Variants in MRPS6 observed in about 807,000 individuals in gnomAD.
MRPS6 encodes the protein small ribosomal subunit protein bS6m.
A neutral mutation model predicts 13.1 loss-of-function variants in MRPS6; 6 were observed. The observed-to-expected ratio is 0.46, with a 90% CI of 0.25 to 0.91. The LOEUF is 0.91. MRPS6 is among the 40% of genes least tolerant of loss of function. The pLI is 0.18. For synonymous variants in MRPS6, 61 were observed against 56.5 expected (o/e 1.08, Z -0.36); for missense variants, 164 against 155.6 (o/e 1.05, Z -0.29).
intron 1 of MRPS6, among the ~76,000 whole-genome samples, chr21:34,082,546 A>T (rs1014720905): frequency 4.6e-5 from 7 of 151,990 alleles, no homozygotes; most frequent in African/African-American, 1.5e-4. Context: ...TTTTTTGCTC[A>T]GAGTGTATCT....
intron 1 of MRPS6, among the ~76,000 whole-genome samples, chr21:34,115,376 G>T (rs1979861085): frequency 6.6e-6 from 1 of 152,116 alleles, no homozygotes; most frequent in African/African-American, 2.4e-5. Context: ...TGGCTTCATT[G>T]ACCACTGTGG....
chr21:34,114,485 G>A (rs772170869), intron 1 of MRPS6, among the ~76,000 whole-genome samples: 3 of 151,516 alleles, frequency 2.0e-5, no homozygotes, highest in Admixed American at 6.6e-5. Context: ...TGCACCTGGG[G>A]AGCTTTAAAA....
chr21:34,113,724 T>G (rs1240524223), intron 1 of MRPS6, among the ~76,000 whole-genome samples: 2 of 152,222 alleles, frequency 1.3e-5, no homozygotes, highest in Non-Finnish European at 2.9e-5. Context: ...TCCATGTTTG[T>G]CATTCTAGGA....
intron 2 of MRPS6, among the ~76,000 whole-genome samples, chr21:34,137,212 T>C (rs1980737775): frequency 6.6e-6 from 1 of 152,226 alleles, no homozygotes; most frequent in Non-Finnish European, 1.5e-5. Context: ...CTACTGAATG[T>C]CAATAGATTT....
intron 1 of MRPS6, chr21:34,099,703 G>A (rs778365937): frequency 3.8e-5 from 38 of 997,816 alleles, no homozygotes; most frequent in Non-Finnish European, 4.6e-5. Context: ...GATACATAAG[G>A]TACATCATCT....
intron 1 of MRPS6, among the ~76,000 whole-genome samples, chr21:34,116,010 A>G (rs1459233597): frequency 6.6e-6 from 1 of 151,550 alleles, no homozygotes; most frequent in Non-Finnish European, 1.5e-5. Flanking sequence ...TGTAAGGATC[A>G]TACCCCATCC....
intron 1 of MRPS6, among the ~76,000 whole-genome samples, chr21:34,089,309 C>G (rs1259724493): frequency 6.6e-6 from 1 of 151,908 alleles, no homozygotes; most frequent in Non-Finnish European, 1.5e-5. Flanking sequence ...TGAGTCACCA[C>G]GCCCAGCCTG....
chr21:34,074,059 G>T (rs1291755044), intron 1 of MRPS6, among the ~76,000 whole-genome samples: 2 of 145,572 alleles, frequency 1.4e-5, no homozygotes, highest in Non-Finnish European at 3.1e-5. Flanking sequence ...CCCGGCGCCG[G>T]CCCGCGGGAG....
At chr21:34,136,416 G>T (rs1270222273) in intron 2 of MRPS6, among the ~76,000 whole-genome samples, 1 of 152,202 alleles carries the variant, frequency 6.6e-6, no homozygotes, top group East Asian at 1.9e-4. Context: ...CCAAAGTGCT[G>T]GGATTACAGG....
chr21:34,082,431 T>C (rs147276035), intron 1 of MRPS6, among the ~76,000 whole-genome samples: 1 of 152,216 alleles, frequency 6.6e-6, no homozygotes, highest in Non-Finnish European at 1.5e-5. Flanking sequence ...TGATATCTTG[T>C]TTTAGGCATG....
intron 1 of MRPS6, chr21:34,101,206 C>T (rs1569418494): frequency 2.0e-6 from 2 of 999,874 alleles, no homozygotes; most frequent in Admixed American, 6.2e-5. Flanking sequence ...CAAATATTAG[C>T]TTAAAATCTG....
intron 1 of MRPS6, among the ~76,000 whole-genome samples, chr21:34,117,304 A>G (rs984387464): frequency 6.6e-6 from 1 of 152,058 alleles, no homozygotes; most frequent in Non-Finnish European, 1.5e-5. Flanking sequence ...CTGTTAGTTC[A>G]GACCCACTCT....
At chr21:34,082,701 A>G (rs1440048160) in intron 1 of MRPS6, among the ~76,000 whole-genome samples, 1 of 152,202 alleles carries the variant, frequency 6.6e-6, no homozygotes, top group Non-Finnish European at 1.5e-5. Context: ...CATAAAATAG[A>G]AGCCAAGTTA....
intron 2 of MRPS6, among the ~76,000 whole-genome samples, chr21:34,126,052 T>G (rs1980292261): frequency 6.6e-6 from 1 of 152,222 alleles, no homozygotes; most frequent in African/African-American, 2.4e-5. Context: ...GAGAACAATT[T>G]GTAGAATAGA....
intron 1 of MRPS6, among the ~76,000 whole-genome samples, chr21:34,108,229 G>A (rs1212980327): frequency 1.3e-5 from 2 of 152,164 alleles, no homozygotes; most frequent in East Asian, 3.8e-4. Context: ...CTTCAGTCTT[G>A]CCAGCTCCAT....
chr21:34,117,228 C>G (rs1979954585), intron 1 of MRPS6, among the ~76,000 whole-genome samples: 1 of 152,158 alleles, frequency 6.6e-6, no homozygotes, highest in South Asian at 2.1e-4. Context: ...ATACTAAATT[C>G]AGTACCCATG....
chr21:34,119,114 G>A (rs1980031693), intron 1 of MRPS6, among the ~76,000 whole-genome samples: 1 of 152,094 alleles, frequency 6.6e-6, no homozygotes, highest in South Asian at 2.1e-4. Context: ...TTACCTAGAG[G>A]ACTGAAACTC....
intron 1 of MRPS6, chr21:34,100,681 A>T: frequency 1.4e-5 from 14 of 1,000,170 alleles, no homozygotes; most frequent in Non-Finnish European, 1.7e-5. Flanking sequence ...GGGGGTTGTT[A>T]TGCACTTCTG....
intron 2 of MRPS6, chr21:34,135,557 G>A (rs911442779): frequency 4.0e-4 from 188 of 475,446 alleles, no homozygotes; most frequent in South Asian, 1.3e-4. Context: ...ATGATCTCCC[G>A]GAGGGCACCC....
Sources: gnomAD v4.1 joint callset for allele counts (sites outside exome capture counted in the v4.1 genomes callset) on GRCh38, gnomAD v4.1.1 for gene constraint, MANE v1.5 for transcripts, NCBI Gene and HGNC (gene_info 2026-07-23, HGNC 2026-07-21) for gene names.